Variants in IQSEC1 observed in about 807,000 individuals in gnomAD.
The protein encoded by IQSEC1 is IQ motif and Sec7 domain ArfGEF 1, also known as IQ motif and SEC7 domain-containing protein 1.
In IQSEC1, 31 loss-of-function variants were observed where a neutral mutation model predicts 91.0. The observed-to-expected ratio is 0.34, with a 90% CI of 0.26 to 0.46. The LOEUF is 0.46. Among genes scored for constraint, IQSEC1 ranks in the 20% least tolerant of loss-of-function variants. The probability of loss-of-function intolerance (pLI) is 1.00; values close to 1 mark genes in which losing one functional copy is unlikely to be tolerated. For synonymous variants in IQSEC1, 699 were observed against 662.6 expected (o/e 1.05, Z -0.84); for missense variants, 1,388 against 1,575.6 (o/e 0.88, Z 2.02).
chr3:13,014,664 G>A (rs1266349811), intron 1 of IQSEC1, among the ~76,000 whole-genome samples: 1 of 152,098 alleles, frequency 6.6e-6, no homozygotes, highest in East Asian at 1.9e-4. Flanking sequence ...CCTGAGGCTG[G>A]GTCGGTAAAA....
chr3:13,216,372 G>T (rs1694550527), intron 1 of IQSEC1, among the ~76,000 whole-genome samples: 1 of 152,240 alleles, frequency 6.6e-6, no homozygotes, highest in African/African-American at 2.4e-5. Context: ...ATTACCAGCA[G>T]GGGACAGGGG....
At chr3:13,002,094 A>T (rs1386379724) in intron 1 of IQSEC1, among the ~76,000 whole-genome samples, 1 of 152,024 alleles carries the variant, frequency 6.6e-6, no homozygotes, top group African/African-American at 2.4e-5. Context: ...ACAAACAACA[A>T]CAACAAAAAA....
At chr3:12,968,275 C>A (rs1700735627) in intron 1 of IQSEC1, among the ~76,000 whole-genome samples, 5 of 152,194 alleles carry the variant, frequency 3.3e-5, no homozygotes. Flanking sequence ...GGGCCCTATC[C>A]TGAGGTTGGT....
intron 12 of IQSEC1, among the ~76,000 whole-genome samples, chr3:12,906,010 C>T (rs549528972): frequency 3.3e-5 from 5 of 152,298 alleles, no homozygotes; most frequent in South Asian, 2.1e-4. Context: ...GCAGTGGGGC[C>T]GGCGCCAGCC....
At chr3:13,030,584 G>A (rs1460616683) in intron 1 of IQSEC1, among the ~76,000 whole-genome samples, 1 of 152,226 alleles carries the variant, frequency 6.6e-6, no homozygotes, top group Non-Finnish European at 1.5e-5. Context: ...GAGGCAATCA[G>A]CCTAATCCTG....
Position 13,171,295 on chromosome 3 carries a change from A to T in IQSEC1, c.273-7162T>A, listed in dbSNP as rs188811774. On this transcript the variant is annotated intron_variant, in intron 1 of 15. Coordinates refer to the IQSEC1 transcript ENST00000648114. ...GCACACAGACTGTCAAAGCAGGTGG[A>T]CACAGGAGAAAAGGTTTTCTTCCTA... 9.2e-5 allele frequency among the ~76,000 whole-genome samples: 14 copies of T among 152,324 alleles called. No individual in the cohort carries two copies. In the East Asian group the frequency reaches 2.7e-3, roughly 29 times the overall value.
intron 1 of IQSEC1, among the ~76,000 whole-genome samples, chr3:12,962,893 T>G (rs1366430482): frequency 6.6e-6 from 1 of 152,228 alleles, no homozygotes. Flanking sequence ...TGAGAACATG[T>G]TGGGAATCCT....
At chr3:13,225,348 C>G (rs1277289819) in intron 1 of IQSEC1, among the ~76,000 whole-genome samples, 2 of 152,148 alleles carry the variant, frequency 1.3e-5, no homozygotes, top group Non-Finnish European at 2.9e-5. Flanking sequence ...TTTAATGCAC[C>G]AAAGATGGAA....
At chr3:13,269,146 C>A (rs1292629792) in intron 1 of IQSEC1, among the ~76,000 whole-genome samples, 1 of 152,104 alleles carries the variant, frequency 6.6e-6, no homozygotes, top group Middle Eastern at 3.2e-3. Context: ...GGGTAGGCAA[C>A]CAGCAGGCAC....
At chr3:12,964,859 C>T (rs1164634194) in intron 1 of IQSEC1, among the ~76,000 whole-genome samples, 1 of 152,224 alleles carries the variant, frequency 6.6e-6, no homozygotes, top group Admixed American at 6.5e-5. Context: ...ATATACTGAG[C>T]TCCTGCAGCC....
intron 3 of IQSEC1, among the ~76,000 whole-genome samples, chr3:12,927,046 C>T (rs1697207361): frequency 1.3e-5 from 2 of 152,178 alleles, no homozygotes; most frequent in African/African-American, 4.8e-5. Context: ...AGAACTGCTC[C>T]AATGCCCCAG....
At chr3:13,087,476 G>A (rs1705755833) in intron 2 of IQSEC1, among the ~76,000 whole-genome samples, 1 of 152,182 alleles carries the variant, frequency 6.6e-6, no homozygotes, top group South Asian at 2.1e-4. Context: ...AAATGGGTTG[G>A]TAAACCTGGC....
At chr3:13,121,663 G>T (rs1418649718) in intron 2 of IQSEC1, among the ~76,000 whole-genome samples, 1 of 152,200 alleles carries the variant, frequency 6.6e-6, no homozygotes, top group Admixed American at 6.5e-5. Context: ...GGCCAGCGCT[G>T]GGGGGACAGA....
At chr3:13,032,985 C>T (rs1239230224) in intron 1 of IQSEC1, among the ~76,000 whole-genome samples, 1 of 152,248 alleles carries the variant, frequency 6.6e-6, no homozygotes, top group Non-Finnish European at 1.5e-5. Context: ...GGCCTGGAAA[C>T]TGCAGTGCCT....
In IQSEC1 at chr3:12,924,444, A is replaced by T; in HGVS notation, c.1730+137T>A. 1.2e-6 allele frequency: 1 copy of T among 842,242 alleles called. No homozygotes were observed. The highest frequency in any genetic ancestry group is 1.8e-6 in the Non-Finnish European group (1 of 559,388). 52.2% of individuals were successfully genotyped at this position (842,242 alleles called of 1,614,324 possible). A position where few individuals can be genotyped will look rare whatever the true frequency, so the allele number is the denominator to read the frequency against. On this transcript the variant is annotated intron_variant, in intron 4 of 13. Coordinates refer to ENST00000613206, the MANE Select transcript of IQSEC1 (RefSeq NM_001134382.3). The surrounding 1 kb of genome is among the most constrained non-coding windows in gnomAD (Gnocchi z 6.3). Reference sequence around the variant, plus strand: ...ATCTGCATGTGTGTGTCTAGGACTTAGGAAGAGAGAAAGGGGGGCCCACCA... The same window carrying T: ...ATCTGCATGTGTGTGTCTAGGACTTTGGAAGAGAGAAAGGGGGGCCCACCA...
In IQSEC1 at chr3:13,199,598, C is replaced by A. The variant is rs1321238466; in HGVS notation, c.273-35465G>T. 2.6e-5 allele frequency among the ~76,000 whole-genome samples: 4 copies of A among 152,154 alleles called. No homozygotes were observed. In the East Asian group the frequency reaches 5.8e-4, roughly 22 times the overall value. On this transcript the variant is annotated intron_variant, in intron 1 of 15. Coordinates refer to the IQSEC1 transcript ENST00000648114. The stretch of plus-strand genomic sequence containing the variant: ...CTCCTTCCCACCGACCAAGGCCAGC[C>A]CCGCGACCCTCCTTCAGTGTACTTT...
intron 2 of IQSEC1, among the ~76,000 whole-genome samples, chr3:13,108,697 C>A (rs541191995): frequency 3.3e-5 from 5 of 152,276 alleles, no homozygotes; most frequent in African/African-American, 9.6e-5. Context: ...CAGCAGCAAC[C>A]TCATTGCTCC....
chr3:13,050,368 T>C (rs1559741416), intron 1 of IQSEC1, among the ~76,000 whole-genome samples: 1 of 151,974 alleles, frequency 6.6e-6, no homozygotes, highest in African/African-American at 2.4e-5. Context: ...AGCCCAGCAG[T>C]CCTGAATTTG....
At chr3:12,902,669 CCAA>C (rs1425557007) in intron 13 of IQSEC1, 101 bp downstream of exon 13, 4 of 328,148 alleles carry the variant, frequency 1.2e-5, no homozygotes, top group East Asian at 4.9e-5. Context: ...AAAAAAAAAA[CCAA>C]AAAAAAAAAA....
Sources: gnomAD v4.1 joint callset for allele counts (sites outside exome capture counted in the v4.1 genomes callset) on GRCh38, gnomAD v4.1.1 for gene constraint, Gnocchi (gnomAD v3.1) non-coding constraint, MANE v1.5 for transcripts, NCBI Gene and HGNC (gene_info 2026-07-23, HGNC 2026-07-21) for gene names.